Variants in ADAD1 observed in about 807,000 individuals in gnomAD.
ADAD1 encodes adenosine deaminase domain-containing protein 1.
ADAD1 carries 46 observed loss-of-function variants against 66.8 expected under a neutral mutation model. The observed-to-expected ratio is 0.69, with a 90% CI of 0.54 to 0.88. The LOEUF is 0.88. ADAD1 is among the 40% of genes least tolerant of loss of function. The pLI is 0.00. For synonymous variants in ADAD1, 248 were observed against 229.4 expected, an observed-to-expected ratio of 1.08 and a Z score of -0.73; for missense variants, 617 against 681.8, an observed-to-expected ratio of 0.91 and a Z score of 1.06.
rs1469883917 is a variant in ADAD1 at position 122,389,818 on chromosome 4, T to A, written c.530-3771T>A. ...CTTGACTCCTTACCCAGTGTGCCAG[T>A]CTGTGTGCTTTAATTGGGGCATTTA... is the stretch of plus-strand genomic sequence containing the variant. On this transcript the variant is annotated intron_variant, in intron 5 of 12. Transcript: ENST00000296513. Among the ~76,000 whole-genome samples, 7 of 152,246 alleles carry A rather than the reference T, an allele frequency of 4.6e-5. No homozygotes were observed. The East Asian group carries it at 1.3e-3, about 29-fold the overall frequency.
At chr4:122,381,344 C>T (rs1794891823) in intron 4 of ADAD1, among the ~76,000 whole-genome samples, 164 bp downstream of exon 4, 1 of 152,148 alleles carries the variant, frequency 6.6e-6, no homozygotes, top group African/African-American at 2.4e-5. Flanking sequence ...CCTTTGCAGC[C>T]TCTACAAATA....
chr4:122,398,381 A>G (rs1486505855), intron 7 of ADAD1, among the ~76,000 whole-genome samples: 1 of 151,362 alleles, frequency 6.6e-6, no homozygotes, highest in Non-Finnish European at 1.5e-5. Context: ...CTCATGATTG[A>G]TGGGCATTTG....
At chr4:122,388,274 T>C (rs1404351779) in intron 5 of ADAD1, among the ~76,000 whole-genome samples, 1 of 152,238 alleles carries the variant, frequency 6.6e-6, no homozygotes, top group Non-Finnish European at 1.5e-5. Flanking sequence ...TTTGCCAGTA[T>C]TTCATTGAAG....
rs757395686 is a variant in ADAD1, at chr4:122,411,417, A to G, written c.1019+25A>G. On this transcript the variant is annotated intron_variant, in intron 9 of 12. Coordinates refer to ENST00000296513, the MANE Select transcript of ADAD1 (RefSeq NM_139243.4). ...TGTAAGTATTATAGAAGTTGTTTTT[A>G]AAAGCAAGTAGGATGGCCATGCCAT... 11 of 1,588,984 alleles carry G rather than the reference A, an allele frequency of 6.9e-6. No homozygotes were observed. In the East Asian group the frequency reaches 2.3e-4, roughly 33 times the overall value.
At chr4:122,405,838 T>G (rs547386047) in intron 7 of ADAD1, among the ~76,000 whole-genome samples, 1 of 152,338 alleles carries the variant, frequency 6.6e-6, no homozygotes, top group East Asian at 1.9e-4. Context: ...AGTGTTTGTC[T>G]TTCTGTGTCT....
At chr4:122,399,740 C>CTTTTTTTTT (rs145100591) in intron 7 of ADAD1, among the ~76,000 whole-genome samples, 5 of 110,518 alleles carry the variant, frequency 4.5e-5, no homozygotes, top group Admixed American at 8.8e-5. Flanking sequence ...ATTTTCTTTT[C>CTTTTTTTTT]TTTTTTTTTT....
chr4:122,390,686 GT>G (rs1158036128), intron 5 of ADAD1, among the ~76,000 whole-genome samples: 1 of 152,124 alleles, frequency 6.6e-6, no homozygotes, highest in Non-Finnish European at 1.5e-5. Flanking sequence ...TTCTCATGCA[GT>G]TTTTTTCAGC....
In ADAD1 at chr4:122,396,331, A is replaced by G; in HGVS notation, c.678A>G (p.Glu226=). The G allele has an allele frequency of 1.9e-6, 3 of 1,604,744 alleles. No homozygotes were observed. Among genetic ancestry groups the G allele is most frequent in the Non-Finnish European group, 2.6e-6 (3 of 1,176,066 alleles). Residue 226 remains glutamate, a synonymous_variant, in exon 7 of 13, where the codon GAA becomes GAG. Coordinates refer to ENST00000296513, the MANE Select transcript of ADAD1 (RefSeq NM_139243.4). ...ATCAACTAATTTCTAATCGTTCAGA[A>G]TACCTGAAATATAGCAGTTCATTGG... ...RFNQLISNRS[E]YLKYSSSLAA...
At chr4:122,380,809 T>C (rs80349549) in intron 3 of ADAD1, among the ~76,000 whole-genome samples, 183 bp from the exon 4 acceptor site, 2 of 152,198 alleles carry the variant, frequency 1.3e-5, no homozygotes, top group Non-Finnish European at 2.9e-5. Flanking sequence ...GTCTTAGTAC[T>C]CGATAGATGC....
chr4:122,380,781 T>C (rs992893503), intron 3 of ADAD1, among the ~76,000 whole-genome samples: 1 of 152,182 alleles, frequency 6.6e-6, no homozygotes, highest in East Asian at 1.9e-4. Flanking sequence ...CATGTTGATA[T>C]TACCTTTTTG....
chr4:122,397,511 A>G (rs1004101417), intron 7 of ADAD1, among the ~76,000 whole-genome samples: 9 of 152,204 alleles, frequency 5.9e-5, no homozygotes, highest in African/African-American at 1.7e-4. Flanking sequence ...GGCATTTAGT[A>G]AAAGCCTAAT....
At chr4:122,421,203 AT>A in intron 11 of ADAD1, 57 bp from the exon 12 acceptor site, 2 of 1,356,122 alleles carry the variant, frequency 1.5e-6, no homozygotes, top group Admixed American at 2.1e-5. Flanking sequence ...AATCTATACA[AT>A]TGCCAACATA....
rs1342868947 is a variant in ADAD1 at position 122,425,269 on chromosome 4, G to A, written c.1617+3879G>A. 2.0e-5 allele frequency among the ~76,000 whole-genome samples: 3 copies of A among 151,996 alleles called. No homozygotes were observed. In the East Asian group the frequency reaches 5.8e-4, roughly 29 times the overall value. ...TATGTTCTTTTCAAGCCCACATGGA[G>A]CATTCTTCAGCATAGGTCATAAAAC... On this transcript the variant is annotated intron_variant, in intron 12 of 12. Coordinates refer to ENST00000296513, the MANE Select transcript of ADAD1 (RefSeq NM_139243.4).
At chr4:122,414,927 T>C (rs976069824) in intron 10 of ADAD1, among the ~76,000 whole-genome samples, 1 of 151,202 alleles carries the variant, frequency 6.6e-6, no homozygotes, top group African/African-American at 2.4e-5. Context: ...AATTGAAGCA[T>C]TGTGGTATTG....
chr4:122,419,002 A>G (rs1304029655), intron 11 of ADAD1, among the ~76,000 whole-genome samples: 1 of 152,234 alleles, frequency 6.6e-6, no homozygotes, highest in Non-Finnish European at 1.5e-5. Context: ...TGGAAATACC[A>G]TTTGACCCAG....
chr4:122,400,896 G>A (rs1002662394), intron 7 of ADAD1, among the ~76,000 whole-genome samples: 1 of 151,768 alleles, frequency 6.6e-6, no homozygotes, highest in African/African-American at 2.4e-5. Context: ...TTCTTTTCTT[G>A]GTTAATCTCA....
At chr4:122,406,792 C>A (rs1796233586) in intron 7 of ADAD1, among the ~76,000 whole-genome samples, 1 of 151,942 alleles carries the variant, frequency 6.6e-6, no homozygotes, top group Admixed American at 6.6e-5. Context: ...GCTAGAATAC[C>A]CTTTGTCTCG....
At position 122,381,152 on chromosome 4, in the gene ADAD1, G is replaced by C. The variant is rs1225950760; in HGVS notation, c.333G>C (p.Gln111His). 1 of 1,574,762 alleles carries C rather than the reference G, an allele frequency of 6.4e-7. No homozygotes were observed. The highest frequency in any genetic ancestry group is 2.1e-5 in the Admixed American group (1 of 46,824). The change falls in exon 4 of 13, where the codon CAG (glutamine) becomes CAC (histidine). Residue 111 changes from glutamine (Q) to histidine (H), a missense_variant. By Grantham distance (24) the Gln-to-His change is conservative. Coordinates refer to ENST00000296513, the MANE Select transcript of ADAD1 (RefSeq NM_139243.4). ...LHQFAQMQRV[Q>H]LDLKETVTTG... ...AGTTTGCACAAATGCAGCGAGTTCA[G>C]CTTGACCTTAAGGAAACTGTGACAA...
At position 122,396,248 on chromosome 4, in the gene ADAD1, C is replaced by G; in HGVS notation, c.599-4C>G. Reference sequence around the variant, plus strand: ...TTGAAATTTATGTTTTGATTTTTTTCTAGAAGGGAGACATATTCAATATGC... The same window carrying G: ...TTGAAATTTATGTTTTGATTTTTTTGTAGAAGGGAGACATATTCAATATGC... On this transcript the variant is annotated splice_polypyrimidine_tract_variant and splice_region_variant and intron_variant, in intron 6 of 12. Transcript: ENST00000296513. 6.4e-7 allele frequency: 1 copy of G among 1,566,046 alleles called. No homozygotes were observed. The highest frequency in any genetic ancestry group is 1.2e-5 in the South Asian group (1 of 81,178).
Sources: allele counts gnomAD v4.1 joint callset (sites outside exome capture counted in the v4.1 genomes callset), GRCh38; gene constraint gnomAD v4.1.1; transcripts MANE v1.5; gene names NCBI Gene and HGNC (gene_info 2026-07-23, HGNC 2026-07-21).